Variants in ADAR observed in about 807,000 individuals in gnomAD.
The protein encoded by ADAR is adenosine deaminase RNA specific.
A neutral mutation model predicts 113.2 loss-of-function variants in ADAR; 41 were observed. That is an observed-to-expected ratio of 0.36 (90% confidence interval 0.28 to 0.47). The LOEUF (loss-of-function observed/expected upper bound fraction) is 0.47. Ranked by LOEUF, ADAR falls within the 20% of genes least tolerant of loss-of-function variation. ADAR has a pLI of 1.00. For missense variants in ADAR, 1,242 were observed against 1,540.9 expected (o/e 0.81, Z 3.25); for synonymous variants, 605 against 572.6 (o/e 1.06, Z -0.81).
chr1:154,590,946 C>A (rs1006417650), intron 6 of ADAR, among the ~76,000 whole-genome samples: 1 of 151,988 alleles, frequency 6.6e-6, no homozygotes, highest in Non-Finnish European at 1.5e-5. Context: ...ACAGCAAGAT[C>A]CCCATCTCTA....
chr1:154,602,457 G>A lies in ADAR; in HGVS notation c.185C>T (p.Pro62Leu), dbSNP rs754467673. 31 of 1,613,464 alleles carry A rather than the reference G, an allele frequency of 1.9e-5. No homozygotes were observed. The highest frequency in any genetic ancestry group is 2.7e-5 in the African/African-American group (2 of 74,918). ...TCCTGGGAGGGAAGGTGGCAGTGAC[G>A]GTGTCTGCTTTCCAATCACCGGTGC... ...PEAPVIGKQT[P>L]SLPPSLPGLR... Residue 62 changes from proline to leucine, a missense_variant, in exon 2 of 15, where the codon CCG (proline) becomes CTG (leucine). By Grantham distance (98) the Pro-to-Leu change is moderately conservative. Transcript: ENST00000368474.
Position 154,589,291 on chromosome 1 carries a change from C to T in ADAR, c.2762+78G>A, listed in dbSNP as rs567299146. ...GTCTGTCTGAGGGGGATTCAGAGGC[C>T]GTGTCAGAGCCATGTGGGGCAGGGA... On this transcript the variant is annotated intron_variant, in intron 9 of 14. Coordinates refer to ENST00000368474, the MANE Select transcript of ADAR (RefSeq NM_001111.5). 40 of 1,127,410 alleles carry T rather than the reference C, an allele frequency of 3.5e-5. 1 individual carries two copies. Among genetic ancestry groups the T allele is most frequent in the African/African-American group, 1.8e-4 (12 of 65,408 alleles). 69.8% of individuals were successfully genotyped at this position (1,127,410 alleles called of 1,614,324 possible).
chr1:154,585,796 A>G lies in ADAR; in HGVS notation c.3272T>C (p.Phe1091Ser). Residue 1091 changes from phenylalanine (F) to serine (S), a missense_variant, in exon 13 of 15, where the codon TTT (phenylalanine) becomes TCT (serine). Around this residue, in one of 2 missense-constraint regions of ADAR, gnomAD observed 780 missense variants for 1,057.9 expected, o/e 0.74. Coordinates refer to ENST00000368474, the MANE Select transcript of ADAR (RefSeq NM_001111.5). ...CCRVTRDGSA[F>S]EDGLRHPFIV... is the part of the protein sequence containing the mutation. ...AAAGGGATGTCGTAGTCCATCCTCA[A>G]ATGCACTCCCATCTCTTGTCACACG... 6.2e-7 allele frequency: 1 copy of G among 1,614,014 alleles called. No individual in the cohort carries two copies. The highest frequency in any genetic ancestry group is 8.5e-7 in the Non-Finnish European group (1 of 1,179,888).
At chr1:154,592,444 T>C (rs1697211715) in intron 6 of ADAR, among the ~76,000 whole-genome samples, 1 of 152,190 alleles carries the variant, frequency 6.6e-6, no homozygotes, top group African/African-American at 2.4e-5. Context: ...TAAATAAGTG[T>C]TGAGTAAATA....
At position 154,582,178 on chromosome 1, in the gene ADAR, T is replaced by C. The variant is rs1051780385; in HGVS notation, c.*2628A>G. 4 of 152,478 alleles carry C rather than the reference T, an allele frequency of 2.6e-5. No individual in the cohort carries two copies. The highest frequency in any genetic ancestry group is 9.7e-5 in the African/African-American group (4 of 41,386). 9.4% of individuals were successfully genotyped at this position (152,478 alleles called of 1,614,324 possible). ...AACTGGACTGCAGCCATCATCACAG[T>C]ACCCGAGTCTATGCTTGGGGGTCTT... On this transcript the variant is annotated 3_prime_UTR_variant, in exon 15 of 15. Coordinates refer to ENST00000368474, the MANE Select transcript of ADAR (RefSeq NM_001111.5).
chr1:154,606,323 C>T (rs1457655224), intron 1 of ADAR, among the ~76,000 whole-genome samples: 1 of 152,172 alleles, frequency 6.6e-6, no homozygotes, highest in Admixed American at 6.5e-5. Context: ...TGAGCTACCA[C>T]GCCCGGCCAG....
At chr1:154,589,565 G>A (rs970615945) in intron 8 of ADAR, 103 bp from the exon 9 acceptor site, 23 of 1,242,538 alleles carry the variant, frequency 1.9e-5, no homozygotes, top group Non-Finnish European at 2.6e-5. Context: ...AACAGCCTCA[G>A]TTTCTCAGAT....
At chr1:154,615,795 T>G (rs914893984) in intron 1 of ADAR, among the ~76,000 whole-genome samples, 1 of 152,188 alleles carries the variant, frequency 6.6e-6, no homozygotes, top group African/African-American at 2.4e-5. Flanking sequence ...TCTGATTTTA[T>G]TTTTTTCTAG....
chr1:154,624,300 C>T (rs1226978387), intron 1 of ADAR, among the ~76,000 whole-genome samples: 1 of 152,024 alleles, frequency 6.6e-6, no homozygotes, highest in African/African-American at 2.4e-5. Flanking sequence ...AGGGGTGGTA[C>T]AGAAGGAAAG....
chr1:154,601,024 C>T lies in ADAR; in HGVS notation c.1601+17G>A, dbSNP rs769227130. ...CCTGACCCCAACCCTAGGTACAGTT[C>T]CTGGGTGGTCTCTTACCGAGGTTCA... On this transcript the variant is annotated intron_variant, in intron 2 of 14. Coordinates refer to ENST00000368474, the MANE Select transcript of ADAR (RefSeq NM_001111.5). This position sits in a 1 kb window ranked among gnomAD's most constrained non-coding sequence, Gnocchi z 4.7. The T allele has an allele frequency of 3.3e-5, 53 of 1,613,958 alleles. No homozygotes were observed. The South Asian group carries it at 5.6e-4, about 17-fold the overall frequency.
chr1:154,588,590 A>G lies in ADAR; in HGVS notation c.2846T>C (p.Leu949Pro). ...IFEPAKGGEK[L>P]QIKKTVSFHL... ...GAATGACACAGTCTTTTTTATTTGG[A>G]GCTTTTCTCCTCCCTTAGCAGGTTC... The change falls in exon 10 of 15, where the codon CTC becomes CCC. Residue 949 changes from leucine to proline, a missense_variant. Coordinates refer to ENST00000368474, the MANE Select transcript of ADAR (RefSeq NM_001111.5). The G allele has an allele frequency of 6.2e-7, 1 of 1,614,086 alleles. No individual in the cohort carries two copies. The highest frequency in any genetic ancestry group is 8.5e-7 in the Non-Finnish European group (1 of 1,180,026).
At chr1:154,597,350 C>T in intron 4 of ADAR, 83 bp from the exon 5 acceptor site, 1 of 1,521,968 alleles carries the variant, frequency 6.6e-7, no homozygotes, top group Non-Finnish European at 9.0e-7. Flanking sequence ...CTGCCATCCT[C>T]CACTACTGGT....
At chr1:154,603,566 G>C (rs1698015419) in intron 1 of ADAR, among the ~76,000 whole-genome samples, 1 of 152,014 alleles carries the variant, frequency 6.6e-6, no homozygotes, top group Admixed American at 6.6e-5. Flanking sequence ...TGACGGACAG[G>C]GCACAAGCAA....
intron 1 of ADAR, among the ~76,000 whole-genome samples, chr1:154,617,927 C>A (rs941200368): frequency 2.6e-5 from 4 of 151,592 alleles, no homozygotes; most frequent in African/African-American, 7.3e-5. Flanking sequence ...ATCATCATAA[C>A]CCTAGTTGAT....
chr1:154,615,518 T>C (rs4486443), intron 1 of ADAR, among the ~76,000 whole-genome samples: 45,395 of 151,992 alleles, frequency 0.3, 6,799 homozygotes, highest in East Asian at 0.32. Context: ...CAAGCAATCC[T>C]CCTGCCTCAG....
chr1:154,593,119 A>C (rs1291496008), intron 6 of ADAR, among the ~76,000 whole-genome samples: 2 of 116,806 alleles, frequency 1.7e-5, no homozygotes, highest in Non-Finnish European at 3.3e-5. Context: ...TGGGTGACAG[A>C]GTGAGACTCC....
At chr1:154,591,404 G>A (rs560143972) in intron 6 of ADAR, among the ~76,000 whole-genome samples, 5 of 152,340 alleles carry the variant, frequency 3.3e-5, no homozygotes, top group Admixed American at 2.0e-4. Context: ...GGTCAAGGTC[G>A]GCCTTAGGCC....
chr1:154,604,166 TTTA>T, intron 1 of ADAR, among the ~76,000 whole-genome samples: 1 of 152,334 alleles, frequency 6.6e-6, no homozygotes, highest in Admixed American at 6.5e-5. Context: ...TATGCAAAAC[TTTA>T]TTTACAATTC....
chr1:154,609,860 A>G (rs2101677497), upstream of ADAR, among the ~76,000 whole-genome samples: 1 of 152,330 alleles, frequency 6.6e-6, no homozygotes, highest in East Asian at 1.9e-4. Flanking sequence ...CTCAGTAATC[A>G]CAATTATCAT....
Sources: allele counts gnomAD v4.1 joint callset (sites outside exome capture counted in the v4.1 genomes callset), GRCh38; gene constraint gnomAD v4.1.1; regional missense constraint gnomAD v4.1.1; non-coding constraint Gnocchi (gnomAD v3.1); transcripts MANE v1.5; gene names NCBI Gene and HGNC (gene_info 2026-07-23, HGNC 2026-07-21).